SASH1: variants seen among roughly 807,000 people sequenced by gnomAD.
SASH1 encodes SAM and SH3 domain containing 1.
A neutral mutation model predicts 125.2 loss-of-function variants in SASH1; 44 were observed. That is an observed-to-expected ratio of 0.35 (90% CI 0.28 to 0.45). The LOEUF (loss-of-function observed/expected upper bound fraction) is 0.45, where lower values mean the gene tolerates loss of function less well. Ranked by LOEUF, SASH1 falls within the 20% of genes least tolerant of loss-of-function variation. The probability of loss-of-function intolerance (pLI) is 1.00; values close to 1 mark genes in which losing one functional copy is unlikely to be tolerated. For missense variants in SASH1, 1,426 were observed against 1,614.5 expected (o/e 0.88, Z 2.00); for synonymous variants, 639 against 649.1 (o/e 0.98, Z 0.24).
At position 148,426,290 on chromosome 6, in the gene SASH1, A is replaced by G. The variant is rs527594246; in HGVS notation, c.286-13894A>G. Reference sequence around the variant, plus strand: ...ATTTTCTCAGTTTCTCCTAGTGTGCAGTGCGCTCTCATTGTCAGGGGACCG... The same window carrying G: ...ATTTTCTCAGTTTCTCCTAGTGTGCGGTGCGCTCTCATTGTCAGGGGACCG... On this transcript the variant is annotated intron_variant, in intron 2 of 19. Coordinates refer to ENST00000367467, the MANE Select transcript of SASH1 (RefSeq NM_015278.5). 3.9e-5 allele frequency among the ~76,000 whole-genome samples: 6 copies of G among 152,310 alleles called. No individual in the cohort carries two copies. The South Asian group carries it at 1.0e-3, about 26-fold the overall frequency.
intron 4 of SASH1, among the ~76,000 whole-genome samples, chr6:148,452,713 C>A (rs1036325186): frequency 2.6e-5 from 4 of 152,316 alleles, no homozygotes; most frequent in South Asian, 2.1e-4. Context: ...CCCCTCACCC[C>A]CTCTGTAATG....
intron 2 of SASH1, among the ~76,000 whole-genome samples, chr6:148,438,736 A>C (rs1776406187): frequency 7.4e-6 from 1 of 135,936 alleles, no homozygotes; most frequent in African/African-American, 2.7e-5. Context: ...AAAAAAAAAA[A>C]AAAAAAAAAA....
chr6:148,272,046 G>T (rs1373506485), upstream of SASH1, among the ~76,000 whole-genome samples: 4 of 152,136 alleles, frequency 2.6e-5, no homozygotes, highest in African/African-American at 7.2e-5. Context: ...AGGGGTATTT[G>T]CAAGCTTCAT....
chr6:148,369,139 A>G (rs1782608899), intron 1 of SASH1, among the ~76,000 whole-genome samples: 1 of 152,216 alleles, frequency 6.6e-6, no homozygotes, highest in Non-Finnish European at 1.5e-5. Context: ...TGAAACAACT[A>G]GAAATCATCA....
At chr6:148,204,147 G>A in the SASH1 span, among the ~76,000 whole-genome samples, 3 of 152,156 alleles carry the variant, frequency 2.0e-5, no homozygotes, top group Admixed American at 6.6e-5. Flanking sequence ...CTCTCGGGCC[G>A]CTCGGCAAGG....
intron 7 of SASH1, among the ~76,000 whole-genome samples, chr6:148,476,895 C>G (rs1446287577): frequency 6.6e-6 from 1 of 152,010 alleles, no homozygotes; most frequent in South Asian, 2.1e-4. Context: ...GAATAGAGAG[C>G]CCGGAAATAA....
chr6:148,273,854 G>A (rs550158777), intron 1 of SASH1, among the ~76,000 whole-genome samples: 8 of 152,298 alleles, frequency 5.3e-5, no homozygotes, highest in African/African-American at 1.2e-4. Context: ...TGGTACTGTC[G>A]GTGCCCAGTC....
chr6:148,430,670 C>T (rs1341882345), intron 2 of SASH1, among the ~76,000 whole-genome samples: 2 of 152,192 alleles, frequency 1.3e-5, no homozygotes, highest in Non-Finnish European at 2.9e-5. Context: ...GACACAGAAG[C>T]AGTGAGTTTC....
chr6:148,484,520 A>C lies in SASH1; in HGVS notation c.628-3094A>C, dbSNP rs539510203. On this transcript the variant is annotated intron_variant, in intron 7 of 19. Coordinates refer to ENST00000367467, the MANE Select transcript of SASH1 (RefSeq NM_015278.5). Reference sequence around the variant, plus strand: ...ATATAAAAATGTAATTATAACAGGTAATTATCCATGTAATAACCTGTGTAA... The same window carrying C: ...ATATAAAAATGTAATTATAACAGGTCATTATCCATGTAATAACCTGTGTAA... Among the ~76,000 whole-genome samples, 5 of 152,184 alleles carry C rather than the reference A, an allele frequency of 3.3e-5. No individual in the cohort carries two copies. The East Asian group carries it at 9.6e-4, about 29-fold the overall frequency.
chr6:148,269,125 G>T (rs1443412754), upstream of SASH1, among the ~76,000 whole-genome samples: 1 of 152,092 alleles, frequency 6.6e-6, no homozygotes, highest in East Asian at 1.9e-4. Context: ...ATTATTGCCA[G>T]GTTTGTTTAC....
intron 8 of SASH1, among the ~76,000 whole-genome samples, chr6:148,510,786 C>G (rs1780069828): frequency 6.6e-6 from 1 of 151,820 alleles, no homozygotes. Flanking sequence ...ACCTGAGAGT[C>G]AGGAGTTCAA....
At chr6:148,317,177 T>TA (rs1780498122) in intron 1 of SASH1, among the ~76,000 whole-genome samples, 1 of 152,206 alleles carries the variant, frequency 6.6e-6, no homozygotes, top group Non-Finnish European at 1.5e-5. Context: ...TTGCTTATAT[T>TA]ACTGACCAAA....
intron 1 of SASH1, among the ~76,000 whole-genome samples, chr6:148,285,189 A>G (rs1314933178): frequency 1.3e-5 from 2 of 152,244 alleles, no homozygotes; most frequent in African/African-American, 4.8e-5. Flanking sequence ...AATAAGAGAG[A>G]ACAAGAAAAA....
intron 1 of SASH1, among the ~76,000 whole-genome samples, chr6:148,298,298 C>G (rs529478779): frequency 1.7e-4 from 26 of 152,212 alleles, no homozygotes; most frequent in Admixed American, 1.4e-3. Flanking sequence ...TAGACATGAG[C>G]CGCCGTGCCC....
At chr6:148,464,630 T>G (rs1777755442) in intron 4 of SASH1, among the ~76,000 whole-genome samples, 1 of 152,194 alleles carries the variant, frequency 6.6e-6, no homozygotes, top group Admixed American at 6.5e-5. Flanking sequence ...GTTATATCAT[T>G]GATTTTTGCT....
chr6:148,520,172 C>A, intron 10 of SASH1: 1 of 411,598 alleles, frequency 2.4e-6, no homozygotes, highest in Non-Finnish European at 4.4e-6. Context: ...TCAGCGAGTT[C>A]AATATCACCT....
chr6:148,540,503 G>T lies in SASH1; in HGVS notation c.2156G>T (p.Gly719Val), dbSNP rs1160251124. The T allele has an allele frequency of 6.2e-7, 1 of 1,614,062 alleles. No individual in the cohort carries two copies. Among genetic ancestry groups the T allele is most frequent in the East Asian group, 2.2e-5 (1 of 44,880 alleles). The change falls in exon 17 of 20, where the codon GGA (glycine) becomes GTA (valine). Residue 719 changes from glycine (G) to valine (V), a missense_variant. Physicochemically the swap from Gly to Val is moderately radical, Grantham distance 109. Transcript: ENST00000367467. The part of the protein sequence containing the change: ...KLLVDSQGLS[G>V]CSPRDSGCYE... The stretch of plus-strand genomic sequence containing the variant: ...CTCGTTGACAGCCAGGGCCTGAGTG[G>T]ATGCTCACCCCGAGACTCAGGATGC...
chr6:148,298,756 A>AAAGGAGAG (rs1779846199), intron 1 of SASH1, among the ~76,000 whole-genome samples: 2 of 122,222 alleles, frequency 1.6e-5, no homozygotes, highest in Non-Finnish European at 1.6e-5. Context: ...AGGAAGGAAG[A>AAAGGAGAG]AAAGAGAGAA....
chr6:148,390,276 C>T lies in SASH1; in HGVS notation c.285+14C>T. 6.2e-7 allele frequency: 1 copy of T among 1,608,920 alleles called. No homozygotes were observed. Among genetic ancestry groups the T allele is most frequent in the East Asian group, 2.2e-5 (1 of 44,738 alleles). ...GACCTGGAAGTGGTGAGTGGGGGTC[C>T]TGGGAATATGCTTCTGTGAGCAGAG... On this transcript the variant is annotated intron_variant, in intron 2 of 19. Coordinates refer to ENST00000367467, the MANE Select transcript of SASH1 (RefSeq NM_015278.5).
Sources: gnomAD v4.1 joint callset for allele counts (sites outside exome capture counted in the v4.1 genomes callset) on GRCh38, gnomAD v4.1.1 for gene constraint, MANE v1.5 for transcripts, NCBI Gene and HGNC (gene_info 2026-07-23, HGNC 2026-07-21) for gene names.